Variants in CSMD1 observed in about 807,000 individuals in gnomAD.
CSMD1 encodes CUB and sushi domain-containing protein 1.
In CSMD1, 213 loss-of-function variants were observed where a neutral mutation model predicts 417.5. The observed-to-expected ratio is 0.51, with a 90% CI of 0.46 to 0.57. CSMD1 has a LOEUF of 0.57. Among genes scored for constraint, CSMD1 ranks in the 20% least tolerant of loss-of-function variants. The pLI, the probability that CSMD1 is intolerant of heterozygous loss-of-function variation, is 0.00. For missense variants in CSMD1, 6,923 were observed against 4,529.7 expected, an observed-to-expected ratio of 1.53 and a Z score of -15.17; for synonymous variants, 2,862 against 1,736.8, an observed-to-expected ratio of 1.65 and a Z score of -16.11.
intron 23 of CSMD1, among the ~76,000 whole-genome samples, chr8:3,318,345 T>C (rs1393715260): frequency 6.6e-6 from 1 of 152,196 alleles, no homozygotes; most frequent in Non-Finnish European, 1.5e-5. Context: ...GAGTAGCATA[T>C]CCTCTGGCCT....
In CSMD1 at chr8:3,003,721, A is replaced by G. The variant is rs954510793; in HGVS notation, c.8030-3590T>C. ...AGTCCTGAGGGTGTGCGGACCTAGCAGGCTGGGAACGAGTGGAAGGAACAC... is the reference window on the plus strand; with the variant it reads ...AGTCCTGAGGGTGTGCGGACCTAGCGGGCTGGGAACGAGTGGAAGGAACAC... On this transcript the variant is annotated intron_variant, in intron 52 of 69. Coordinates refer to ENST00000635120, the MANE Select transcript of CSMD1 (RefSeq NM_033225.6). 4.6e-5 allele frequency among the ~76,000 whole-genome samples: 7 copies of G among 152,298 alleles called. No homozygotes were observed. In the East Asian group the frequency reaches 1.4e-3, roughly 29 times the overall value.
intron 2 of CSMD1, among the ~76,000 whole-genome samples, chr8:4,490,168 G>C (rs1293294845): frequency 6.6e-6 from 1 of 151,670 alleles, no homozygotes; most frequent in East Asian, 1.9e-4. Flanking sequence ...AGCCTCTCAG[G>C]TAGCTGGGAT....
chr8:4,130,907 T>A (rs189667539), intron 3 of CSMD1, among the ~76,000 whole-genome samples: 2 of 151,804 alleles, frequency 1.3e-5, no homozygotes, highest in African/African-American at 4.8e-5. Flanking sequence ...ATGCATTGGA[T>A]GGACGGATTA....
chr8:3,869,454 C>G (rs893934194), intron 5 of CSMD1, among the ~76,000 whole-genome samples: 1 of 152,166 alleles, frequency 6.6e-6, no homozygotes, highest in African/African-American at 2.4e-5. Flanking sequence ...AAGCGTGTCT[C>G]ACCTTAGTTT....
chr8:4,371,452 G>A (rs78558290), intron 3 of CSMD1, among the ~76,000 whole-genome samples: 5,517 of 152,260 alleles, frequency 0.036, 331 homozygotes, highest in African/African-American at 0.13. Context: ...ATGGAGCAGA[G>A]GGCATGTCTG....
At chr8:4,838,449 G>A (rs992729615) in intron 1 of CSMD1, among the ~76,000 whole-genome samples, 1 of 152,184 alleles carries the variant, frequency 6.6e-6, no homozygotes, top group African/African-American at 2.4e-5. Flanking sequence ...AGAGGGAAGG[G>A]AAACAAGAAA....
chr8:3,593,290 T>A (rs1800942816), intron 8 of CSMD1, among the ~76,000 whole-genome samples: 1 of 152,180 alleles, frequency 6.6e-6, no homozygotes, highest in South Asian at 2.1e-4. Flanking sequence ...CAGGACTCCT[T>A]AGTTCCCAGC....
intron 10 of CSMD1, among the ~76,000 whole-genome samples, chr8:3,510,242 C>G (rs1269111553): frequency 6.6e-6 from 1 of 151,810 alleles, no homozygotes; most frequent in Non-Finnish European, 1.5e-5. Flanking sequence ...CCGACTCCTG[C>G]CTTCTGCGCC....
intron 1 of CSMD1, among the ~76,000 whole-genome samples, chr8:4,806,912 C>G (rs543949835): frequency 6.6e-6 from 1 of 152,194 alleles, no homozygotes; most frequent in Admixed American, 6.5e-5. Flanking sequence ...TGAGCAAGTA[C>G]AGATGCATGC....
At chr8:3,951,366 C>T (rs1452243483) in intron 5 of CSMD1, among the ~76,000 whole-genome samples, 2 of 152,114 alleles carry the variant, frequency 1.3e-5, no homozygotes, top group Non-Finnish European at 2.9e-5. Context: ...TTCAAGAATT[C>T]AATAAGTTTG....
At chr8:4,400,592 G>T (rs1804578826) in intron 3 of CSMD1, among the ~76,000 whole-genome samples, 1 of 152,218 alleles carries the variant, frequency 6.6e-6, no homozygotes, top group African/African-American at 2.4e-5. Context: ...AGAGCTGCTG[G>T]AGTTTGAAAT....
chr8:3,071,154 T>C (rs970992227), intron 49 of CSMD1, among the ~76,000 whole-genome samples: 3 of 152,194 alleles, frequency 2.0e-5, no homozygotes, highest in African/African-American at 7.2e-5. Flanking sequence ...ACCCGCTTGA[T>C]CCAAACACCT....
intron 3 of CSMD1, among the ~76,000 whole-genome samples, chr8:4,222,049 C>T (rs1187786342): frequency 7.0e-5 from 1 of 14,224 alleles, no homozygotes; most frequent in African/African-American, 1.8e-4. Context: ...TATGAGAAGA[C>T]ATCAAAGGCC....
In CSMD1 at chr8:3,771,018, C is replaced by G. The variant is rs201206526; in HGVS notation, c.819-16976G>C. ...TCTCTCTCTCTCTCTGTCAGTGTGTCTGTGTGTGTGTCTGCGTGCGTGTGT... is the reference window on the plus strand; with the variant it reads ...TCTCTCTCTCTCTCTGTCAGTGTGTGTGTGTGTGTGTCTGCGTGCGTGTGT... On this transcript the variant is annotated intron_variant, in intron 5 of 69. Coordinates refer to ENST00000635120, the MANE Select transcript of CSMD1 (RefSeq NM_033225.6). Among the ~76,000 whole-genome samples the G allele has an allele frequency of 1.5e-4, 22 of 151,066 alleles. No homozygotes were observed. In the South Asian group the frequency reaches 1.5e-3, roughly 10 times the overall value.
At chr8:4,285,082 A>G (rs528661307) in intron 3 of CSMD1, among the ~76,000 whole-genome samples, 57 of 152,338 alleles carry the variant, frequency 3.7e-4, no homozygotes, top group Middle Eastern at 3.4e-3. Context: ...CCTAGTGTGT[A>G]GGAAAGTTTT....
intron 1 of CSMD1, among the ~76,000 whole-genome samples, chr8:4,845,844 A>C (rs1422951855): frequency 2.0e-5 from 3 of 152,210 alleles, no homozygotes; most frequent in African/African-American, 7.2e-5. Context: ...TACGATTTGT[A>C]GCTGAATTTT....
At chr8:3,060,540 G>T (rs548561837) in intron 49 of CSMD1, among the ~76,000 whole-genome samples, 1 of 152,178 alleles carries the variant, frequency 6.6e-6, no homozygotes, top group Non-Finnish European at 1.5e-5. Context: ...TACTTGGCTA[G>T]GAAGTTAGAC....
intron 3 of CSMD1, among the ~76,000 whole-genome samples, chr8:4,213,572 C>A (rs973901652): frequency 3.3e-5 from 5 of 152,174 alleles, no homozygotes; most frequent in African/African-American, 1.2e-4. Context: ...TTTTGCTCTC[C>A]CACTTGCAAC....
chr8:3,987,818 T>G (rs1204453838), intron 5 of CSMD1, among the ~76,000 whole-genome samples: 4 of 152,166 alleles, frequency 2.6e-5, no homozygotes, highest in Non-Finnish European at 5.9e-5. Context: ...TCCAAACCCA[T>G]AGTTCCAGAT....
Sources: gnomAD v4.1 joint callset for allele counts (sites outside exome capture counted in the v4.1 genomes callset) on GRCh38, gnomAD v4.1.1 for gene constraint, MANE v1.5 for transcripts, NCBI Gene and HGNC (gene_info 2026-07-23, HGNC 2026-07-21) for gene names.